Variants in SORCS3 observed in about 807,000 individuals in gnomAD.
SORCS3 encodes VPS10 domain-containing receptor SorCS3.
A neutral mutation model predicts 146.3 loss-of-function variants in SORCS3; 57 were observed. The observed-to-expected ratio is 0.39, with a 90% CI of 0.31 to 0.49. SORCS3 has a LOEUF of 0.49. SORCS3 is among the 20% of genes least tolerant of loss of function. SORCS3 has a pLI of 0.92. For missense variants in SORCS3, 1,341 were observed against 1,575.5 expected (o/e 0.85, Z 2.52); for synonymous variants, 653 against 618.5 (o/e 1.06, Z -0.83).
intron 1 of SORCS3, among the ~76,000 whole-genome samples, chr10:104,737,729 T>C (rs375051440): frequency 1.3e-5 from 2 of 151,976 alleles, no homozygotes; most frequent in Non-Finnish European, 2.9e-5. Context: ...GTGGGTTGCC[T>C]GTTCACTCTG....
rs562936592 is a variant in SORCS3 at position 105,254,203 on chromosome 10, C to T, written c.3237+1297C>T. On this transcript the variant is annotated intron_variant, in intron 23 of 26. Transcript: ENST00000369701. ...CCCATTGTCTCTAAGATAGAAAACG[C>T]AGAGGAGAGGGCTGGTAGTATATGT... Among the ~76,000 whole-genome samples, 23 of 152,316 alleles carry T rather than the reference C, an allele frequency of 1.5e-4. No homozygotes were observed. The South Asian group carries it at 4.6e-3, about 30-fold the overall frequency.
chr10:105,169,357 G>A (rs201174163), intron 13 of SORCS3, among the ~76,000 whole-genome samples: 2 of 152,072 alleles, frequency 1.3e-5, no homozygotes, highest in East Asian at 3.9e-4. Flanking sequence ...TGAAAGCAAT[G>A]TCTGCTAAAG....
chr10:104,654,834 C>G (rs920221185), intron 1 of SORCS3, among the ~76,000 whole-genome samples: 20 of 152,118 alleles, frequency 1.3e-4, no homozygotes, highest in African/African-American at 4.8e-4. Flanking sequence ...CTTGAGGAAG[C>G]CTGATGCATT....
chr10:104,790,635 G>T (rs1166565861), intron 1 of SORCS3, among the ~76,000 whole-genome samples: 6 of 152,140 alleles, frequency 3.9e-5, no homozygotes, highest in Non-Finnish European at 8.8e-5. Flanking sequence ...ATGATTATTT[G>T]TGTCCATGTT....
At chr10:104,985,484 T>C (rs2054956995) in intron 4 of SORCS3, among the ~76,000 whole-genome samples, 1 of 152,188 alleles carries the variant, frequency 6.6e-6, no homozygotes, top group Non-Finnish European at 1.5e-5. Flanking sequence ...AATCAACTTC[T>C]TTCAAGCTCC....
chr10:104,760,595 G>T (rs2017109118), intron 1 of SORCS3, among the ~76,000 whole-genome samples: 1 of 152,114 alleles, frequency 6.6e-6, no homozygotes, highest in Admixed American at 6.6e-5. Flanking sequence ...GCATATTATT[G>T]TAATAACTTT....
chr10:104,687,648 A>G (rs563841510), intron 1 of SORCS3, among the ~76,000 whole-genome samples: 1 of 152,252 alleles, frequency 6.6e-6, no homozygotes. Flanking sequence ...CCAGGTTTCA[A>G]GCTGAAGGGC....
intron 1 of SORCS3, among the ~76,000 whole-genome samples, chr10:104,780,474 G>A (rs1162514744): frequency 1.3e-5 from 2 of 152,142 alleles, no homozygotes; most frequent in Admixed American, 6.5e-5. Flanking sequence ...GGTGACATAT[G>A]AGCCCACCTG....
At chr10:105,109,858 C>A (rs758105247) in intron 7 of SORCS3, among the ~76,000 whole-genome samples, 1 of 151,658 alleles carries the variant, frequency 6.6e-6, no homozygotes, top group Non-Finnish European at 1.5e-5. Flanking sequence ...TTGTGGTTGG[C>A]CATAATGTAC....
chr10:105,250,033 C>T (rs560020053), intron 22 of SORCS3, among the ~76,000 whole-genome samples: 12 of 152,172 alleles, frequency 7.9e-5, no homozygotes, highest in Middle Eastern at 3.4e-3. Flanking sequence ...ATTCTGGAGG[C>T]GGAGAAGTAC....
rs900906183 is a variant in SORCS3 at position 104,901,860 on chromosome 10, C to T, written c.696-13973C>T. 2.6e-5 allele frequency among the ~76,000 whole-genome samples: 4 copies of T among 152,164 alleles called. No individual in the cohort carries two copies. The South Asian group carries it at 6.2e-4, about 24-fold the overall frequency. ...CAGAGGCTGGCAAACCTTTGAACAG[C>T]TGAATGCTTACTCCAGAGACATTGC... is the stretch of plus-strand genomic sequence containing the variant. On this transcript the variant is annotated intron_variant, in intron 2 of 26. Transcript: ENST00000369701.
intron 1 of SORCS3, among the ~76,000 whole-genome samples, chr10:104,837,908 A>C (rs1165807480): frequency 6.6e-6 from 1 of 152,188 alleles, no homozygotes; most frequent in Non-Finnish European, 1.5e-5. Context: ...CAGAACAAGC[A>C]TGGTTGAGTC....
At chr10:105,135,023 C>G (rs1405439669) in intron 7 of SORCS3, among the ~76,000 whole-genome samples, 1 of 151,380 alleles carries the variant, frequency 6.6e-6, no homozygotes, top group African/African-American at 2.4e-5. Context: ...ATTTCAAAAG[C>G]AAGCAAAAGG....
chr10:105,179,674 C>T (rs2056431266), intron 14 of SORCS3, among the ~76,000 whole-genome samples: 1 of 152,200 alleles, frequency 6.6e-6, no homozygotes, highest in African/African-American at 2.4e-5. Flanking sequence ...CTTCAGATAG[C>T]TGGACAAGCC....
At position 104,726,177 on chromosome 10, in the gene SORCS3, C is replaced by T. The variant is rs541641930; in HGVS notation, c.627+84223C>T. 4.6e-5 allele frequency among the ~76,000 whole-genome samples: 7 copies of T among 152,284 alleles called. No homozygotes were observed. The South Asian group carries it at 1.5e-3, about 32-fold the overall frequency. On this transcript the variant is annotated intron_variant, in intron 1 of 26. Coordinates refer to ENST00000369701, the MANE Select transcript of SORCS3 (RefSeq NM_014978.3). ...AAGTCTGTCATCAGAGGCAAATTCC[C>T]CTTATCCAAGTGTTCAGTGGCTCTG... is the stretch of plus-strand genomic sequence containing the variant.
intron 2 of SORCS3, among the ~76,000 whole-genome samples, chr10:104,867,751 A>T (rs2018475817): frequency 6.6e-6 from 1 of 152,216 alleles, no homozygotes; most frequent in Admixed American, 6.5e-5. Flanking sequence ...GACCTCAAAG[A>T]TAATGAGGAT....
chr10:105,098,839 G>T (rs865857337), intron 6 of SORCS3, among the ~76,000 whole-genome samples: 2 of 152,206 alleles, frequency 1.3e-5, no homozygotes, highest in South Asian at 4.1e-4. Context: ...ACAGTGGAAA[G>T]AGCCCTGAAT....
chr10:105,205,835 C>T (rs1589687930), intron 16 of SORCS3, among the ~76,000 whole-genome samples: 1 of 152,272 alleles, frequency 6.6e-6, no homozygotes, highest in African/African-American at 2.4e-5. Context: ...TCTGCTATTA[C>T]AGACATTTTA....
chr10:105,089,968 T>A (rs1187375038), intron 6 of SORCS3, 129 bp downstream of exon 6: 2 of 704,166 alleles, frequency 2.8e-6, no homozygotes, highest in Non-Finnish European at 5.0e-6. Flanking sequence ...CATCCATCCT[T>A]AATTCCCAGA....
Sources: allele counts gnomAD v4.1 joint callset (sites outside exome capture counted in the v4.1 genomes callset), GRCh38; gene constraint gnomAD v4.1.1; transcripts MANE v1.5; gene names NCBI Gene and HGNC (gene_info 2026-07-23, HGNC 2026-07-21).